The following ACCSL variants were observed in gnomAD, a reference collection of about 807,000 sequenced individuals.
ACCSL encodes the protein 1-aminocyclopropane-1-carboxylate synthase homolog (inactive) like.
ACCSL carries 55 observed loss-of-function variants against 61.7 expected under a neutral mutation model. That is an observed-to-expected ratio of 0.89 (90% CI 0.72 to 1.12). ACCSL has a LOEUF of 1.12. Among genes scored for constraint, ACCSL ranks in the 50% most tolerant of loss-of-function variants. ACCSL has a pLI of 0.00. For synonymous variants in ACCSL, 258 were observed against 264.3 expected (o/e 0.98, Z 0.23); for missense variants, 632 against 698.0 (o/e 0.91, Z 1.07).
the ACCSL span, among the ~76,000 whole-genome samples, chr11:44,014,483 CAGAGAG>C: frequency 0.21 from 26,386 of 128,660 alleles, 2,634 homozygotes; most frequent in Middle Eastern, 0.27. Flanking sequence ...GAGAGATAGC[CAGAGAG>C]AGAGAGAGAG....
the ACCSL span, among the ~76,000 whole-genome samples, chr11:44,013,214 CATAA>C: frequency 2.0e-5 from 3 of 152,202 alleles, no homozygotes; most frequent in Non-Finnish European, 4.4e-5. Flanking sequence ...TAAAAATAGG[CATAA>C]ATGGATCTGC....
At position 44,048,521 on chromosome 11, in the gene ACCSL, A is replaced by C; in HGVS notation, c.485A>C (p.His162Pro). The change falls in exon 1 of 14, where the codon CAT becomes CCT. Residue 162 changes from histidine (H) to proline (P), a missense_variant. Coordinates refer to ENST00000378832, the MANE Select transcript of ACCSL (RefSeq NM_001031854.2). ...DYNAYQKDKY[H>P]KDKNTLGFIN... Reference sequence around the variant, plus strand: ...AATGCCTACCAAAAAGATAAATATCATAAGGACAAGAACACCTTGGTGAGA... The same window carrying C: ...AATGCCTACCAAAAAGATAAATATCCTAAGGACAAGAACACCTTGGTGAGA... The C allele has an allele frequency of 7.5e-7, 1 of 1,329,538 alleles. No homozygotes were observed. Among genetic ancestry groups the C allele is most frequent in the Non-Finnish European group, 9.9e-7 (1 of 1,009,246 alleles). 82.4% of individuals were successfully genotyped at this position (1,329,538 alleles called of 1,614,324 possible).
the ACCSL span, among the ~76,000 whole-genome samples, chr11:43,935,046 C>G: frequency 6.6e-6 from 1 of 152,214 alleles, no homozygotes; most frequent in African/African-American, 2.4e-5. Flanking sequence ...CAGCCTTCCC[C>G]TGCAGCCCCG....
At chr11:43,992,555 A>G in the ACCSL span, among the ~76,000 whole-genome samples, 1 of 152,216 alleles carries the variant, frequency 6.6e-6, no homozygotes, top group African/African-American at 2.4e-5. Flanking sequence ...TCCAGAGCCT[A>G]GCACTGGCTT....
the ACCSL span, among the ~76,000 whole-genome samples, chr11:43,982,337 C>T: frequency 7.4e-5 from 11 of 149,630 alleles, no homozygotes; most frequent in Admixed American, 6.1e-4. Flanking sequence ...TAGCGATTCT[C>T]GTGCCTCAGC....
At chr11:43,933,703 G>A in the ACCSL span, among the ~76,000 whole-genome samples, 1 of 152,180 alleles carries the variant, frequency 6.6e-6, no homozygotes, top group African/African-American at 2.4e-5. Flanking sequence ...GCAGGGAAAT[G>A]AGCTCTCGTT....
the ACCSL span, among the ~76,000 whole-genome samples, chr11:43,940,126 A>T: frequency 6.6e-6 from 1 of 151,958 alleles, no homozygotes; most frequent in East Asian, 1.9e-4. Flanking sequence ...AGCCAGAGTG[A>T]GTATTATTAT....
At chr11:44,010,796 G>A in the ACCSL span, among the ~76,000 whole-genome samples, 1 of 152,206 alleles carries the variant, frequency 6.6e-6, no homozygotes, top group Non-Finnish European at 1.5e-5. Flanking sequence ...ATTGAGAAAT[G>A]GAAGCAGGAG....
chr11:43,960,300 C>A, the ACCSL span, among the ~76,000 whole-genome samples: 2 of 152,172 alleles, frequency 1.3e-5, no homozygotes, highest in Admixed American at 1.3e-4. Flanking sequence ...TTGGGCCATT[C>A]CTTTTTCCTT....
At chr11:44,050,722 T>A (rs1287174748) in intron 3 of ACCSL, 100 bp downstream of exon 3, 1 of 1,079,658 alleles carries the variant, frequency 9.3e-7, no homozygotes, top group Non-Finnish European at 1.4e-6. Flanking sequence ...GTTACCTCCC[T>A]ATCTCTTTGG....
At chr11:44,024,225 A>G in the ACCSL span, among the ~76,000 whole-genome samples, 2 of 152,128 alleles carry the variant, frequency 1.3e-5, no homozygotes, top group Admixed American at 1.3e-4. Context: ...CTGGCACATC[A>G]GTTTCTCCTG....
At chr11:44,030,595 T>C in the ACCSL span, among the ~76,000 whole-genome samples, 1 of 152,170 alleles carries the variant, frequency 6.6e-6, no homozygotes. Flanking sequence ...GAGCCTTCAA[T>C]TTTTGTGTGT....
chr11:44,052,820 C>G, intron 6 of ACCSL, 61 bp downstream of exon 6: 1 of 1,549,904 alleles, frequency 6.5e-7, no homozygotes, highest in Non-Finnish European at 8.9e-7. Flanking sequence ...CTGGGGACAC[C>G]TAAAGGGGTA....
chr11:43,953,668 G>C, the ACCSL span, among the ~76,000 whole-genome samples: 1 of 151,962 alleles, frequency 6.6e-6, no homozygotes, highest in East Asian at 1.9e-4. Flanking sequence ...ACTCCCCTCA[G>C]CGCCACAACA....
At chr11:44,011,443 A>G in the ACCSL span, among the ~76,000 whole-genome samples, 1 of 152,208 alleles carries the variant, frequency 6.6e-6, no homozygotes, top group Non-Finnish European at 1.5e-5. Context: ...TGCACTTAGC[A>G]CAAAGCATGG....
At chr11:44,023,062 TC>T in the ACCSL span, among the ~76,000 whole-genome samples, 25,733 of 118,908 alleles carry the variant, frequency 0.22, 3,272 homozygotes, top group Admixed American at 0.27. Context: ...TTTTTTTTTT[TC>T]GAGAAAGAGT....
At chr11:43,944,022 C>G in the ACCSL span, 1 of 468,886 alleles carries the variant, frequency 2.1e-6, no homozygotes, top group African/African-American at 2.1e-5. Context: ...GTCACCGGAA[C>G]GAGGTTGCGC....
chr11:43,922,883 A>C, the ACCSL span, among the ~76,000 whole-genome samples: 1 of 152,230 alleles, frequency 6.6e-6, no homozygotes. Context: ...TGTCTTCTTT[A>C]TAACAGGCAA....
At chr11:43,986,388 C>T in the ACCSL span, among the ~76,000 whole-genome samples, 1 of 150,022 alleles carries the variant, frequency 6.7e-6, no homozygotes, top group African/African-American at 2.5e-5. Context: ...GCTTACAACC[C>T]TTCTCTGGCT....
Sources: allele counts gnomAD v4.1 joint callset (sites outside exome capture counted in the v4.1 genomes callset), GRCh38; gene constraint gnomAD v4.1.1; transcripts MANE v1.5; gene names NCBI Gene and HGNC (gene_info 2026-07-23, HGNC 2026-07-21).